FER1L6: variants seen among roughly 807,000 people sequenced by gnomAD.
The protein encoded by FER1L6 is fer-1 like family member 6, also known as fer-1-like protein 6.
FER1L6 carries 177 observed loss-of-function variants against 219.2 expected under a neutral mutation model. That is an observed-to-expected ratio of 0.81 (90% confidence interval 0.71 to 0.91). The LOEUF is 0.91. Among genes scored for constraint, FER1L6 ranks in the 40% least tolerant of loss-of-function variants. FER1L6 has a pLI of 0.00. For synonymous variants in FER1L6, 768 were observed against 824.3 expected (o/e 0.93, Z 1.17); for missense variants, 2,153 against 2,259.9 (o/e 0.95, Z 0.96).
At chr8:124,014,002 A>G (rs1818065728) in intron 15 of FER1L6, among the ~76,000 whole-genome samples, 1 of 152,126 alleles carries the variant, frequency 6.6e-6, no homozygotes, top group African/African-American at 2.4e-5. Flanking sequence ...GTATATTTGA[A>G]TATACTATTG....
intron 37 of FER1L6, among the ~76,000 whole-genome samples, chr8:124,098,142 T>C (rs1563799315): frequency 6.6e-6 from 1 of 152,224 alleles, no homozygotes; most frequent in African/African-American, 2.4e-5. Flanking sequence ...CCTAAACTTA[T>C]TCAGTGACAT....
Position 124,027,928 on chromosome 8 carries a change from T to C in FER1L6, c.2286+4332T>C, listed in dbSNP as rs112873739. 7.3e-3 allele frequency among the ~76,000 whole-genome samples: 1,113 copies of C among 152,318 alleles called. 10 individuals carry two copies. Among genetic ancestry groups the C allele is most frequent in the Non-Finnish European group, 0.011 (717 of 68,036 alleles). On this transcript the variant is annotated intron_variant, in intron 18 of 40. Coordinates refer to ENST00000522917, the MANE Select transcript of FER1L6 (RefSeq NM_001039112.2). Reference sequence around the variant, plus strand: ...AAAACAAAGTTTTTCACCCAAGTCATTCACCACAATTATCAAGAATTTTCT... The same window carrying C: ...AAAACAAAGTTTTTCACCCAAGTCACTCACCACAATTATCAAGAATTTTCT...
At chr8:123,871,752 G>A (rs1254802368) in intron 1 of FER1L6, among the ~76,000 whole-genome samples, 2 of 152,142 alleles carry the variant, frequency 1.3e-5, no homozygotes, top group Non-Finnish European at 2.9e-5. Context: ...GTACAGTATG[G>A]TAAGGGGAGC....
At position 124,003,338 on chromosome 8, in the gene FER1L6, A is replaced by T; in HGVS notation, c.1691A>T (p.Glu564Val). 1 of 1,612,508 alleles carries T rather than the reference A, an allele frequency of 6.2e-7. No individual in the cohort carries two copies. The highest frequency in any genetic ancestry group is 2.2e-5 in the East Asian group (1 of 44,872). The change falls in exon 13 of 41, where the codon GAA becomes GTA. Residue 564 changes from glutamate (E) to valine (V), a missense_variant. By Grantham distance (121) the Glu-to-Val change is moderately radical (BLOSUM62 -2). Transcript: ENST00000522917. ...CACCCGGAGAAGCCACTGGTGACAG[A>T]AGGGAACAGGTAGGAGACATAGCCT... ...TTHPEKPLVTEGNRNYNYLPF... is the reference protein window; with the variant it reads ...TTHPEKPLVTVGNRNYNYLPF...
At chr8:123,920,705 A>G (rs573952174) in intron 1 of FER1L6, among the ~76,000 whole-genome samples, 1 of 152,376 alleles carries the variant, frequency 6.6e-6, no homozygotes, top group African/African-American at 2.4e-5. Flanking sequence ...AAAAAACCAT[A>G]AAATTTACCA....
At chr8:123,928,029 C>A (rs1171022126) in intron 1 of FER1L6, among the ~76,000 whole-genome samples, 1 of 152,020 alleles carries the variant, frequency 6.6e-6, no homozygotes, top group East Asian at 1.9e-4. Flanking sequence ...TCTTTATCAG[C>A]AGGAATATAA....
intron 14 of FER1L6, 99 bp downstream of exon 14, chr8:124,010,813 A>G: frequency 2.0e-6 from 3 of 1,470,206 alleles, no homozygotes; most frequent in East Asian, 2.3e-5. Context: ...CCTCAGTTCA[A>G]ACACAAATAA....
chr8:123,931,467 A>T (rs915495625), intron 1 of FER1L6, among the ~76,000 whole-genome samples: 2 of 152,188 alleles, frequency 1.3e-5, no homozygotes, highest in African/African-American at 4.8e-5. Flanking sequence ...AGAAAAACAA[A>T]TTGTTTTGGT....
intron 1 of FER1L6, among the ~76,000 whole-genome samples, chr8:123,913,188 A>C (rs2129777051): frequency 6.6e-6 from 1 of 152,266 alleles, no homozygotes; most frequent in East Asian, 1.9e-4. Flanking sequence ...AAAATCTTGA[A>C]AGTTATTACA....
intron 39 of FER1L6, among the ~76,000 whole-genome samples, chr8:124,115,518 C>G (rs1823209427): frequency 6.6e-6 from 1 of 152,156 alleles, no homozygotes; most frequent in African/African-American, 2.4e-5. Context: ...TTAATATTCT[C>G]TGCCTCCTTT....
At chr8:124,096,741 G>A (rs981128227) in intron 35 of FER1L6, among the ~76,000 whole-genome samples, 5 of 152,282 alleles carry the variant, frequency 3.3e-5, no homozygotes, top group Admixed American at 1.3e-4. Flanking sequence ...AACATTAACA[G>A]AGATAATGAA....
At chr8:124,036,992 C>T (rs1438085402) in intron 19 of FER1L6, among the ~76,000 whole-genome samples, 1 of 152,032 alleles carries the variant, frequency 6.6e-6, no homozygotes, top group African/African-American at 2.4e-5. Flanking sequence ...TGATTCTGGC[C>T]CTCAAGTGGG....
rs1249054031 is a variant in FER1L6, at chr8:124,083,084, T to C, written c.4391+626T>C. Among the ~76,000 whole-genome samples the C allele has an allele frequency of 4.6e-5, 7 of 152,104 alleles. 1 individual carries two copies. The highest frequency in any genetic ancestry group is 1.5e-5 in the Non-Finnish European group (1 of 68,018). ...GACATATTTTGATACAGGAATATAA[T>C]GCATAACAATCACATCAGGGTAAAT... On this transcript the variant is annotated intron_variant, in intron 33 of 40. Transcript: ENST00000522917.
At chr8:123,910,438 G>A (rs1290439061) in intron 1 of FER1L6, among the ~76,000 whole-genome samples, 4 of 152,164 alleles carry the variant, frequency 2.6e-5, no homozygotes, top group African/African-American at 4.8e-5. Flanking sequence ...CAGCATTGCC[G>A]GAGTTGCTTT....
chr8:123,956,993 T>G lies in FER1L6; in HGVS notation c.76+919T>G, dbSNP rs998810411. Among the ~76,000 whole-genome samples the G allele has an allele frequency of 2.6e-5, 4 of 152,204 alleles. No homozygotes were observed. The East Asian group carries it at 7.7e-4, about 29-fold the overall frequency. On this transcript the variant is annotated intron_variant, in intron 2 of 40. Coordinates refer to ENST00000522917, the MANE Select transcript of FER1L6 (RefSeq NM_001039112.2). ...GATCAGTGGTTTCCAAGTGGACAGATGGGGTGGTCCTCTGGAGACTTCTGC... is the reference window on the plus strand; with the variant it reads ...GATCAGTGGTTTCCAAGTGGACAGAGGGGGTGGTCCTCTGGAGACTTCTGC...
intron 25 of FER1L6, 60 bp from the exon 26 acceptor site, chr8:124,064,287 C>A: frequency 7.5e-7 from 1 of 1,334,134 alleles, no homozygotes. Flanking sequence ...GTATTAGGTC[C>A]CTGAAACGAC....
At chr8:123,882,179 A>G (rs1320159256) in intron 1 of FER1L6, among the ~76,000 whole-genome samples, 1 of 147,284 alleles carries the variant, frequency 6.8e-6, no homozygotes. Context: ...CCACAAAACC[A>G]CATTTTTTTT....
intron 1 of FER1L6, among the ~76,000 whole-genome samples, chr8:123,882,609 A>G (rs955428440): frequency 1.2e-4 from 18 of 152,220 alleles, no homozygotes; most frequent in African/African-American, 4.3e-4. Flanking sequence ...TAAACAAAAT[A>G]CAAAAATAAG....
intron 1 of FER1L6, among the ~76,000 whole-genome samples, chr8:123,867,789 G>A (rs2130270286): frequency 6.6e-6 from 1 of 152,208 alleles, no homozygotes; most frequent in South Asian, 2.1e-4. Context: ...TTTTATTGAA[G>A]CATAATGAAC....
Sources: gnomAD v4.1 joint callset for allele counts (sites outside exome capture counted in the v4.1 genomes callset) on GRCh38, gnomAD v4.1.1 for gene constraint, MANE v1.5 for transcripts, NCBI Gene and HGNC (gene_info 2026-07-23, HGNC 2026-07-21) for gene names.